The following DPYS variants were observed in gnomAD, a reference collection of about 807,000 sequenced individuals.
DPYS encodes dihydropyrimidine amidohydrolase.
Under a neutral mutation model 50.3 loss-of-function variants are expected in DPYS, and 39 were observed. The ratio of observed to expected loss-of-function variants is 0.78; its 90% CI spans 0.60 to 1.01. The LOEUF is 1.01. DPYS is among the 50% of genes least tolerant of loss of function. DPYS has a pLI of 0.00. For synonymous variants in DPYS, 245 were observed against 250.7 expected, an observed-to-expected ratio of 0.98 and a Z score of 0.22; for missense variants, 659 against 680.9, an observed-to-expected ratio of 0.97 and a Z score of 0.36.
chr8:104,406,991 C>T (rs554994608), intron 7 of DPYS, among the ~76,000 whole-genome samples: 12 of 152,310 alleles, frequency 7.9e-5, no homozygotes, highest in Non-Finnish European at 1.3e-4. Context: ...CTTACATTTA[C>T]TAATAGCACT....
chr8:104,461,199 G>A (rs1209211674), intron 1 of DPYS, among the ~76,000 whole-genome samples: 9 of 151,420 alleles, frequency 5.9e-5, no homozygotes, highest in Non-Finnish European at 1.2e-4. Flanking sequence ...AGGTTGAGGT[G>A]GGAGGATTGC....
At chr8:104,448,820 C>T (rs1417460412) in intron 2 of DPYS, among the ~76,000 whole-genome samples, 2 of 152,158 alleles carry the variant, frequency 1.3e-5, no homozygotes. Context: ...TAATATTACA[C>T]GTGAATTTAC....
chr8:104,388,363 T>C (rs1262376436), intron 8 of DPYS, among the ~76,000 whole-genome samples: 1 of 152,112 alleles, frequency 6.6e-6, no homozygotes, highest in East Asian at 1.9e-4. Flanking sequence ...AGGTTGGGGT[T>C]CCCTATTACT....
At chr8:104,414,240 C>T (rs1448164397) in intron 7 of DPYS, among the ~76,000 whole-genome samples, 1 of 152,180 alleles carries the variant, frequency 6.6e-6, no homozygotes, top group Non-Finnish European at 1.5e-5. Context: ...GTATAGAGAA[C>T]TCCATTTGGG....
At chr8:104,429,343 T>A in intron 5 of DPYS, 2 of 605,000 alleles carry the variant, frequency 3.3e-6, no homozygotes, top group East Asian at 2.9e-5. Context: ...TTTCTGAGAG[T>A]CTAGGAAAGG....
intron 7 of DPYS, among the ~76,000 whole-genome samples, chr8:104,422,139 C>T (rs747275260): frequency 2.0e-5 from 3 of 152,140 alleles, no homozygotes; most frequent in East Asian, 1.9e-4. Flanking sequence ...GTTGGAGATA[C>T]TCAGGTGTAG....
intron 8 of DPYS, among the ~76,000 whole-genome samples, chr8:104,387,615 C>T (rs980797741): frequency 2.6e-5 from 4 of 152,186 alleles, no homozygotes; most frequent in African/African-American, 9.7e-5. Context: ...AGTCCCAACA[C>T]TGCCACTTGG....
chr8:104,407,810 T>C (rs1272509975), intron 7 of DPYS, among the ~76,000 whole-genome samples: 3 of 152,258 alleles, frequency 2.0e-5, no homozygotes, highest in Admixed American at 2.0e-4. Context: ...GAGAATAATA[T>C]ACTAACTAGG....
chr8:104,417,950 G>T (rs1474195344), intron 7 of DPYS, among the ~76,000 whole-genome samples: 1 of 152,202 alleles, frequency 6.6e-6, no homozygotes, highest in Non-Finnish European at 1.5e-5. Context: ...AAGCATGGCT[G>T]CCCTGCTTTT....
intron 1 of DPYS, among the ~76,000 whole-genome samples, chr8:104,462,233 C>T (rs951746995): frequency 2.6e-5 from 4 of 152,134 alleles, no homozygotes; most frequent in Non-Finnish European, 5.9e-5. Context: ...GAGGAAATTA[C>T]TTGCCTAAGG....
intron 1 of DPYS, among the ~76,000 whole-genome samples, chr8:104,461,560 T>C (rs750284849): frequency 6.6e-6 from 1 of 152,132 alleles, no homozygotes; most frequent in Non-Finnish European, 1.5e-5. Flanking sequence ...TGCTATATAG[T>C]GGATAAACAC....
intron 4 of DPYS, among the ~76,000 whole-genome samples, chr8:104,439,974 CA>C (rs1182343760): frequency 1.3e-5 from 2 of 152,070 alleles, no homozygotes; most frequent in African/African-American, 4.8e-5. Context: ...CTTAATTCAC[CA>C]ATCTCTCCCA....
chr8:104,405,716 G>T (rs1183404845), intron 7 of DPYS, among the ~76,000 whole-genome samples: 1 of 152,216 alleles, frequency 6.6e-6, no homozygotes, highest in East Asian at 1.9e-4. Flanking sequence ...CTGTCTGCCT[G>T]GAGCAGGCAC....
chr8:104,398,682 G>T (rs370173872), intron 7 of DPYS, among the ~76,000 whole-genome samples: 1 of 152,216 alleles, frequency 6.6e-6, no homozygotes, highest in South Asian at 2.1e-4. Context: ...TGCCCTCCAG[G>T]CATTGTCCCT....
chr8:104,407,602 C>T (rs969366074), intron 7 of DPYS, among the ~76,000 whole-genome samples: 1 of 152,060 alleles, frequency 6.6e-6, no homozygotes, highest in Non-Finnish European at 1.5e-5. Context: ...TTAGGCCATG[C>T]ATACAATTTA....
chr8:104,400,556 G>A (rs1422214500), intron 7 of DPYS, among the ~76,000 whole-genome samples: 1 of 152,238 alleles, frequency 6.6e-6, no homozygotes, highest in African/African-American at 2.4e-5. Flanking sequence ...GCAGCAACAG[G>A]AAGGATACAG....
intron 4 of DPYS, among the ~76,000 whole-genome samples, chr8:104,439,292 A>G (rs1252717903): frequency 1.3e-5 from 2 of 152,312 alleles, no homozygotes; most frequent in South Asian, 2.1e-4. Flanking sequence ...CTAAAGATAG[A>G]TAAGTTTAAA....
In DPYS at chr8:104,380,732, GATT is replaced by G. The variant is rs557987533; in HGVS notation, c.*14+449_*14+451del. The G allele has an allele frequency of 1.1e-4, 17 of 161,534 alleles. No homozygotes were observed. The South Asian group carries it at 2.7e-3, about 26-fold the overall frequency. The allele number at this position is 161,534 out of a possible 1,614,324, so 10.0% of individuals were successfully genotyped here. A position where few individuals can be genotyped will look rare whatever the true frequency, so the allele number is the denominator to read the frequency against. ...ATACTATCAAAGAATTTTTCTGAAG[GATT>G]ATATCCCCTAAAGCAACATTTTATT... On this transcript the variant is annotated intron_variant, in intron 9 of 9. Transcript: ENST00000351513.
intron 8 of DPYS, among the ~76,000 whole-genome samples, chr8:104,387,199 A>G (rs1003513085): frequency 6.6e-6 from 1 of 152,196 alleles, no homozygotes; most frequent in Non-Finnish European, 1.5e-5. Context: ...TCACTTGTAC[A>G]TGAGAAAGCC....
Sources: gnomAD v4.1 joint callset for allele counts (sites outside exome capture counted in the v4.1 genomes callset) on GRCh38, gnomAD v4.1.1 for gene constraint, MANE v1.5 for transcripts, NCBI Gene and HGNC (gene_info 2026-07-23, HGNC 2026-07-21) for gene names.